Variants in TAFA2 observed in about 807,000 individuals in gnomAD.
TAFA2 encodes the protein chemokine-like protein TAFA-2.
TAFA2 carries 7 observed loss-of-function variants against 18.8 expected under a neutral mutation model. The ratio of observed to expected loss-of-function variants is 0.37; its 90% CI spans 0.21 to 0.70. The LOEUF (loss-of-function observed/expected upper bound fraction) is 0.70. Ranked by LOEUF, TAFA2 falls within the 30% of genes least tolerant of loss-of-function variation. The probability of loss-of-function intolerance (pLI) is 0.53; values close to 1 mark genes in which losing one functional copy is unlikely to be tolerated. For synonymous variants in TAFA2, 60 were observed against 54.2 expected, an observed-to-expected ratio of 1.11 and a Z score of -0.47; for missense variants, 122 against 158.1, an observed-to-expected ratio of 0.77 and a Z score of 1.23.
At chr12:61,816,812 C>T (rs975811612) in intron 2 of TAFA2, among the ~76,000 whole-genome samples, 3 of 151,176 alleles carry the variant, frequency 2.0e-5, no homozygotes, top group Non-Finnish European at 4.4e-5. Context: ...AAGGAGGCAG[C>T]CATACTTATT....
chr12:62,138,082 A>G (rs1378859170), intron 1 of TAFA2, among the ~76,000 whole-genome samples: 1 of 152,110 alleles, frequency 6.6e-6, no homozygotes, highest in Non-Finnish European at 1.5e-5. Flanking sequence ...TTTGCCTCAA[A>G]TGCCGCCTCC....
intron 1 of TAFA2, among the ~76,000 whole-genome samples, chr12:61,990,120 G>A (rs1323068542): frequency 6.6e-6 from 1 of 152,004 alleles, no homozygotes; most frequent in African/African-American, 2.4e-5. Flanking sequence ...TACTTTAACT[G>A]CTAGTACTTG....
At chr12:62,223,144 T>G (rs1246405931) in intron 1 of TAFA2, among the ~76,000 whole-genome samples, 1 of 152,188 alleles carries the variant, frequency 6.6e-6, no homozygotes, top group Non-Finnish European at 1.5e-5. Flanking sequence ...ATTCTAAGTT[T>G]GATACATAAA....
intron 1 of TAFA2, among the ~76,000 whole-genome samples, chr12:61,959,467 G>A (rs1878808537): frequency 6.6e-6 from 1 of 152,026 alleles, no homozygotes; most frequent in Non-Finnish European, 1.5e-5. Flanking sequence ...CTAGAGTAAA[G>A]AAAATCTATT....
intron 2 of TAFA2, among the ~76,000 whole-genome samples, chr12:61,812,694 T>G (rs916589242): frequency 6.6e-6 from 1 of 150,440 alleles, no homozygotes; most frequent in Non-Finnish European, 1.5e-5. Context: ...CTCAGCCTCA[T>G]GAGTAGCTGG....
chr12:61,789,121 T>C (rs1470484623), intron 2 of TAFA2, among the ~76,000 whole-genome samples: 1 of 151,930 alleles, frequency 6.6e-6, no homozygotes, highest in African/African-American at 2.4e-5. Flanking sequence ...TAGTTTCTTT[T>C]CCTATGCAGA....
intron 1 of TAFA2, among the ~76,000 whole-genome samples, chr12:61,951,404 AC>A (rs1020236836): frequency 2.0e-5 from 3 of 152,186 alleles, no homozygotes; most frequent in African/African-American, 7.2e-5. Context: ...CTGTTTTCTT[AC>A]CCAAAAATCT....
chr12:62,176,563 G>A (rs892514446), intron 1 of TAFA2, among the ~76,000 whole-genome samples: 1 of 151,918 alleles, frequency 6.6e-6, no homozygotes, highest in African/African-American at 2.4e-5. Flanking sequence ...TTTTCAATTC[G>A]AATGAATAAA....
intron 1 of TAFA2, among the ~76,000 whole-genome samples, chr12:62,239,788 T>C (rs920105172): frequency 4.6e-5 from 7 of 152,176 alleles, no homozygotes; most frequent in South Asian, 2.1e-4. Flanking sequence ...TCTCCCACCA[T>C]TGAGTTATAC....
chr12:62,034,255 C>T (rs1490656021), intron 1 of TAFA2, among the ~76,000 whole-genome samples: 2 of 152,068 alleles, frequency 1.3e-5, no homozygotes, highest in Non-Finnish European at 2.9e-5. Context: ...GAGCCCAGCC[C>T]CCTTTGCCAA....
chr12:62,034,441 CT>C (rs1209598038), intron 1 of TAFA2, among the ~76,000 whole-genome samples: 3 of 152,190 alleles, frequency 2.0e-5, no homozygotes, highest in Non-Finnish European at 4.4e-5. Context: ...TTATTACTCT[CT>C]TTAGCTGTAA....
intron 4 of TAFA2, among the ~76,000 whole-genome samples, chr12:61,716,231 T>C (rs533518229): frequency 2.6e-4 from 39 of 152,316 alleles, no homozygotes; most frequent in African/African-American, 9.4e-4. Flanking sequence ...TCTGCACATA[T>C]GTTACTAGTC....
intron 1 of TAFA2, among the ~76,000 whole-genome samples, chr12:61,929,862 G>A (rs1302491261): frequency 1.3e-5 from 2 of 152,050 alleles, no homozygotes; most frequent in Non-Finnish European, 2.9e-5. Flanking sequence ...GTAGGGACAT[G>A]GATGAAGCTG....
chr12:61,872,166 G>A (rs1874637901), intron 1 of TAFA2, among the ~76,000 whole-genome samples: 1 of 151,914 alleles, frequency 6.6e-6, no homozygotes, highest in South Asian at 2.1e-4. Flanking sequence ...ACAAAAACCT[G>A]GAAGGAAAAA....
intron 2 of TAFA2, among the ~76,000 whole-genome samples, chr12:61,826,338 C>CTGTGTGTGTGTGTGTGTGTG (rs57736074): frequency 4.5e-4 from 67 of 149,142 alleles, no homozygotes; most frequent in African/African-American, 1.6e-3. Flanking sequence ...ATTAGTTCAT[C>CTGTGTGTGTGTGTGTGTGTG]TGTGTGTGTG....
chr12:62,053,244 A>G (rs1485443566), intron 1 of TAFA2, among the ~76,000 whole-genome samples: 1 of 152,330 alleles, frequency 6.6e-6, no homozygotes, highest in East Asian at 1.9e-4. Flanking sequence ...GTATATTGCT[A>G]CAACCCAGAG....
intron 2 of TAFA2, among the ~76,000 whole-genome samples, chr12:61,784,359 A>G (rs1468652602): frequency 6.6e-6 from 1 of 151,428 alleles, no homozygotes; most frequent in African/African-American, 2.4e-5. Context: ...ACACATCAAG[A>G]GAGGTGATGT....
At chr12:61,824,379 T>C (rs1287760131) in intron 2 of TAFA2, among the ~76,000 whole-genome samples, 1 of 152,158 alleles carries the variant, frequency 6.6e-6, no homozygotes, top group Non-Finnish European at 1.5e-5. Flanking sequence ...GCTGCTAAAA[T>C]TATGGTAAGT....
intron 4 of TAFA2, among the ~76,000 whole-genome samples, chr12:61,737,222 A>G (rs182539268): frequency 8.5e-5 from 13 of 152,084 alleles, no homozygotes; most frequent in Admixed American, 7.2e-4. Context: ...TCAGTTTACC[A>G]ACGAGATTTT....
Sources: gnomAD v4.1 joint callset for allele counts (sites outside exome capture counted in the v4.1 genomes callset) on GRCh38, gnomAD v4.1.1 for gene constraint, MANE v1.5 for transcripts, NCBI Gene and HGNC (gene_info 2026-07-23, HGNC 2026-07-21) for gene names.